The following IL1RAPL1 variants were observed in gnomAD, a reference collection of about 807,000 sequenced individuals.
IL1RAPL1 encodes the protein interleukin 1 receptor accessory protein like 1, also known as interleukin-1 receptor accessory protein-like 1.
Under a neutral mutation model 48.4 loss-of-function variants are expected in IL1RAPL1, and 3 were observed. That is an observed-to-expected ratio of 0.06 (90% confidence interval 0.03 to 0.16). The LOEUF is 0.16. Among genes scored for constraint, IL1RAPL1 ranks in the 10% least tolerant of loss-of-function variants. The probability of loss-of-function intolerance (pLI) is 1.00; values close to 1 mark genes in which losing one functional copy is unlikely to be tolerated. For synonymous variants in IL1RAPL1, 185 were observed against 187.7 expected (o/e 0.99, Z 0.12); for missense variants, 349 against 530.6 (o/e 0.66, Z 3.36).
intron 5 of IL1RAPL1, among the ~76,000 whole-genome samples, chrX:29,464,732 T>C (rs1215521980): frequency 8.9e-6 from 1 of 112,137 alleles, no homozygotes; most frequent in Non-Finnish European, 1.9e-5. Context: ...ATATATACAA[T>C]GGAATACTAT....
chrX:29,755,364 C>A (rs1335993164), intron 6 of IL1RAPL1, among the ~76,000 whole-genome samples: 1 of 111,500 alleles, frequency 9.0e-6, no homozygotes, highest in Non-Finnish European at 1.9e-5. Context: ...CACCCACCAA[C>A]CCCACCTTCC....
At chrX:29,230,439 C>T (rs2147557064) in intron 2 of IL1RAPL1, among the ~76,000 whole-genome samples, 1 of 95,617 alleles carries the variant, frequency 1.0e-5, no homozygotes, top group East Asian at 3.3e-4. Flanking sequence ...GTATCAAAAC[C>T]TTTGCCCAAG....
At chrX:28,831,026 C>CTG (rs57923954) in intron 2 of IL1RAPL1, among the ~76,000 whole-genome samples, 351 of 33,615 alleles carry the variant, frequency 0.01, 21 homozygotes, top group East Asian at 0.022. Flanking sequence ...CTCTCTCTCT[C>CTG]TGTGTGTGTG....
intron 6 of IL1RAPL1, among the ~76,000 whole-genome samples, chrX:29,823,880 A>G (rs1309665099): frequency 9.0e-6 from 1 of 111,638 alleles, no homozygotes; most frequent in African/African-American, 3.3e-5. Context: ...CAGCTGCTCT[A>G]AAGTACAGCC....
chrX:29,526,458 G>T (rs1033956027), intron 5 of IL1RAPL1, among the ~76,000 whole-genome samples: 1 of 111,685 alleles, frequency 9.0e-6, no homozygotes, highest in African/African-American at 3.3e-5. Flanking sequence ...TAGAAAAGAA[G>T]AAGTAAAATT....
At chrX:28,993,881 C>G (rs1263480514) in intron 2 of IL1RAPL1, among the ~76,000 whole-genome samples, 1 of 111,682 alleles carries the variant, frequency 9.0e-6, no homozygotes, top group Non-Finnish European at 1.9e-5. Context: ...AACAAGCACT[C>G]TTAATTTGCT....
At chrX:29,014,168 G>A (rs927576427) in intron 2 of IL1RAPL1, among the ~76,000 whole-genome samples, 2 of 111,135 alleles carry the variant, frequency 1.8e-5, no homozygotes, top group Non-Finnish European at 3.8e-5. Context: ...TTAGGTATGC[G>A]CCTTACAGTC....
intron 2 of IL1RAPL1, among the ~76,000 whole-genome samples, chrX:28,805,812 G>C (rs1473031567): frequency 9.1e-6 from 1 of 110,234 alleles, no homozygotes; most frequent in African/African-American, 3.3e-5. Flanking sequence ...GTATAAGCTC[G>C]TTGAGTATAA....
chrX:29,742,937 C>T (rs1038329957), intron 6 of IL1RAPL1, among the ~76,000 whole-genome samples: 1 of 110,662 alleles, frequency 9.0e-6, no homozygotes, highest in African/African-American at 3.3e-5. Context: ...TGCGGCCCTG[C>T]CCTTTCTTAG....
intron 2 of IL1RAPL1, among the ~76,000 whole-genome samples, chrX:29,115,284 G>C: frequency 9.0e-6 from 1 of 111,506 alleles, no homozygotes; most frequent in East Asian, 2.8e-4. Context: ...ATTTGGAAAC[G>C]TGATTTTTGC....
At chrX:29,196,664 C>T (rs941220510) in intron 2 of IL1RAPL1, among the ~76,000 whole-genome samples, 5 of 109,889 alleles carry the variant, frequency 4.6e-5, no homozygotes, top group Non-Finnish European at 9.5e-5. Context: ...TGCAGACCTC[C>T]CCCACCACCC....
chrX:29,373,798 T>G (rs773604750), intron 3 of IL1RAPL1, among the ~76,000 whole-genome samples: 38 of 107,998 alleles, frequency 3.5e-4, no homozygotes, highest in African/African-American at 1.2e-3. Flanking sequence ...GTGAGTTAAG[T>G]TTTTAATTTT....
intron 6 of IL1RAPL1, among the ~76,000 whole-genome samples, chrX:29,681,263 C>T (rs1037174381): frequency 8.9e-6 from 1 of 112,476 alleles, no homozygotes; most frequent in African/African-American, 3.2e-5. Context: ...AGCCGGTAGG[C>T]TCTGGATTCA....
intron 2 of IL1RAPL1, among the ~76,000 whole-genome samples, chrX:29,086,346 C>A (rs1602050075): frequency 8.9e-6 from 1 of 112,023 alleles, no homozygotes; most frequent in South Asian, 3.7e-4. Context: ...AATATTATTT[C>A]CAAAGAGTAA....
intron 6 of IL1RAPL1, among the ~76,000 whole-genome samples, chrX:29,845,738 C>T (rs111472970): frequency 0.042 from 4,644 of 111,030 alleles, 242 homozygotes; most frequent in African/African-American, 0.14. Context: ...AGTGAAAAGA[C>T]GTTTAATTGG....
At chrX:28,599,734 C>A (rs1229935310) in intron 1 of IL1RAPL1, among the ~76,000 whole-genome samples, 1 of 111,695 alleles carries the variant, frequency 9.0e-6, no homozygotes, top group East Asian at 2.8e-4. Flanking sequence ...AGCTTATGGA[C>A]CAGTGGGAAA....
chrX:29,172,257 A>G (rs1277259097), intron 2 of IL1RAPL1, among the ~76,000 whole-genome samples: 1 of 111,916 alleles, frequency 8.9e-6, no homozygotes, highest in Non-Finnish European at 1.9e-5. Flanking sequence ...CCTAGAATAC[A>G]TATGTGGTTT....
chrX:29,116,492 A>G (rs188479176), intron 2 of IL1RAPL1, among the ~76,000 whole-genome samples: 6 of 111,998 alleles, frequency 5.4e-5, no homozygotes, highest in East Asian at 2.8e-4. Flanking sequence ...AGTATTGAAG[A>G]AAACAAAAAT....
chrX:28,997,805 A>T (rs990124419), intron 2 of IL1RAPL1, among the ~76,000 whole-genome samples: 1 of 110,861 alleles, frequency 9.0e-6, no homozygotes, highest in Non-Finnish European at 1.9e-5. Flanking sequence ...AACCAGATTT[A>T]TTCCAGGCAA....
Sources: allele counts gnomAD v4.1 joint callset (sites outside exome capture counted in the v4.1 genomes callset), GRCh38; gene constraint gnomAD v4.1.1; transcripts MANE v1.5; gene names NCBI Gene and HGNC (gene_info 2026-07-23, HGNC 2026-07-21).